Variants in ZNF684 observed in about 807,000 individuals in gnomAD.
ZNF684 encodes zinc finger protein 684, also known as hypothetical protein MGC27466.
A neutral mutation model predicts 12.8 loss-of-function variants in ZNF684; 13 were observed. The observed-to-expected ratio is 1.02, with a 90% CI of 0.66 to 1.62. ZNF684 has a LOEUF of 1.62. Ranked by LOEUF, ZNF684 falls within the 40% of genes most tolerant of loss-of-function variation. The pLI, the probability that ZNF684 is intolerant of heterozygous loss-of-function variation, is 0.00. For synonymous variants in ZNF684, 118 were observed against 151.8 expected (o/e 0.78, Z 1.64); for missense variants, 384 against 446.9 (o/e 0.86, Z 1.27).
intron 1 of ZNF684, among the ~76,000 whole-genome samples, chr1:40,532,638 A>T (rs1645964041): frequency 6.6e-6 from 1 of 151,952 alleles, no homozygotes; most frequent in African/African-American, 2.4e-5. Flanking sequence ...TGAAGGATCC[A>T]GCTTAACAAA....
rs187092117 is a variant in ZNF684, at chr1:40,537,072, C to T, written c.16-3514C>T. 2.2e-3 allele frequency among the ~76,000 whole-genome samples: 342 copies of T among 152,236 alleles called. 1 individual carries two copies. Among genetic ancestry groups the T allele is most frequent in the African/African-American group, 8.0e-3 (333 of 41,522 alleles). Reference sequence around the variant, plus strand: ...TCAAATGGTATTTCTAATTCTAGATCCTTGAGGAATCGCCACACTGACTTC... The same window carrying T: ...TCAAATGGTATTTCTAATTCTAGATTCTTGAGGAATCGCCACACTGACTTC... On this transcript the variant is annotated intron_variant, in intron 2 of 4. Transcript: ENST00000372699.
rs1478065549 is a variant in ZNF684, at chr1:40,547,033, A to C, written c.710A>C (p.His237Pro). The change falls in exon 5 of 5, where the codon CAC becomes CCC. Residue 237 changes from histidine (H) to proline (P), a missense_variant. His to Pro is a moderately conservative substitution (Grantham distance 77, BLOSUM62 -2). Coordinates refer to ENST00000372699, the MANE Select transcript of ZNF684 (RefSeq NM_152373.4). ...KAQLVVHQRL[H>P]TGEKPYECSQ... The stretch of plus-strand genomic sequence containing the variant: ...CAACTCGTGGTCCACCAGAGACTTC[A>C]CACTGGAGAGAAGCCTTATGAGTGC... 2 of 1,614,112 alleles carry C rather than the reference A, an allele frequency of 1.2e-6. No individual in the cohort carries two copies. Among genetic ancestry groups the C allele is most frequent in the Non-Finnish European group, 1.7e-6 (2 of 1,180,050 alleles).
chr1:40,539,604 T>A (rs549726397), intron 2 of ZNF684, among the ~76,000 whole-genome samples: 2 of 152,332 alleles, frequency 1.3e-5, no homozygotes, highest in South Asian at 4.1e-4. Context: ...TTTCTCCACA[T>A]CCTTGCCAAC....
At chr1:40,534,448 T>G in intron 2 of ZNF684, among the ~76,000 whole-genome samples, 1 of 149,864 alleles carries the variant, frequency 6.7e-6, no homozygotes. Flanking sequence ...ACCATGTTGG[T>G]CAGGCTGGTC....
At position 40,546,907 on chromosome 1, in the gene ZNF684, C is replaced by T; in HGVS notation, c.584C>T (p.Ala195Val). Residue 195 changes from alanine (A) to valine (V), a missense_variant, in exon 5 of 5, where the codon GCC becomes GTC. By Grantham distance (64) the Ala-to-Val change is moderately conservative. Transcript: ENST00000372699. Reference protein sequence around the residue: ...KPFECNDCGKAYSRKAHLATH... With the variant: ...KPFECNDCGKVYSRKAHLATH... ...TTTGAATGCAATGACTGTGGAAAAG[C>T]CTATAGCAGGAAGGCACACCTTGCA... is the stretch of plus-strand genomic sequence containing the variant. 3 of 1,613,946 alleles carry T rather than the reference C, an allele frequency of 1.9e-6. No individual in the cohort carries two copies. The highest frequency in any genetic ancestry group is 2.5e-6 in the Non-Finnish European group (3 of 1,180,012).
In ZNF684 at chr1:40,547,516, A is replaced by G. The variant is rs1302256798; in HGVS notation, c.*56A>G. On this transcript the variant is annotated 3_prime_UTR_variant, in exon 5 of 5. Coordinates refer to ENST00000372699, the MANE Select transcript of ZNF684 (RefSeq NM_152373.4). ...TTAAATATTTGCTAAATCTTATTAA[A>G]TACTAAAGAATTCATGGTGAGAAGT... 12 of 1,412,720 alleles carry G rather than the reference A, an allele frequency of 8.5e-6. No individual in the cohort carries two copies. Among genetic ancestry groups the G allele is most frequent in the Admixed American group, 2.6e-5 (1 of 39,114 alleles). The allele number at this position is 1,412,720 out of a possible 1,614,324, so 87.5% of individuals were successfully genotyped here.
At chr1:40,537,868 A>G (rs1355628263) in intron 2 of ZNF684, among the ~76,000 whole-genome samples, 1 of 152,126 alleles carries the variant, frequency 6.6e-6, no homozygotes, top group East Asian at 1.9e-4. Flanking sequence ...CCATACCCTA[A>G]TTAGCAGTCA....
intron 3 of ZNF684, 79 bp downstream of exon 3, chr1:40,540,791 T>C: frequency 7.5e-7 from 1 of 1,337,894 alleles, no homozygotes; most frequent in Non-Finnish European, 9.8e-7. Context: ...TTGGGAACGT[T>C]TGCCAATTGT....
At position 40,544,475 on chromosome 1, in the gene ZNF684, C is replaced by T. The variant is rs187283808; in HGVS notation, c.239-2087C>T. On this transcript the variant is annotated intron_variant, in intron 4 of 4. Transcript: ENST00000372699. ...CAAGTGATTCTCCTACCTCAGCCTC[C>T]CGAAGAGCTGGAACTACAGGCGCCC... is the stretch of plus-strand genomic sequence containing the variant. 5 of 366,416 alleles carry T rather than the reference C, an allele frequency of 1.4e-5. No individual in the cohort carries two copies. In the Admixed American group the frequency reaches 1.7e-4, roughly 12 times the overall value. 22.7% of individuals were successfully genotyped at this position (366,416 alleles called of 1,614,324 possible).
intron 2 of ZNF684, among the ~76,000 whole-genome samples, chr1:40,536,664 TC>T (rs1645987300): frequency 1.2e-5 from 1 of 82,606 alleles, no homozygotes; most frequent in Non-Finnish European, 2.3e-5. Flanking sequence ...CCCTCCCCCC[TC>T]CCCCCACCCC....
intron 4 of ZNF684, among the ~76,000 whole-genome samples, chr1:40,544,191 G>A (rs1646031555): frequency 6.6e-6 from 1 of 151,214 alleles, no homozygotes; most frequent in Non-Finnish European, 1.5e-5. Flanking sequence ...CATTCAACAA[G>A]GCTTTTAAAA....
At chr1:40,541,594 A>G (rs746521045) in intron 3 of ZNF684, 21 bp from the exon 4 acceptor site, 7 of 1,606,324 alleles carry the variant, frequency 4.4e-6, no homozygotes, top group Admixed American at 1.7e-5. Flanking sequence ...CCCCACTTCT[A>G]TGCTGTTTTC....
Position 40,541,751 on chromosome 1 carries a change from A to T in ZNF684, c.238+41A>T, listed in dbSNP as rs746212958. 8.4e-6 allele frequency: 13 copies of T among 1,538,802 alleles called. No individual in the cohort carries two copies. In the East Asian group the frequency reaches 2.9e-4, roughly 35 times the overall value. On this transcript the variant is annotated intron_variant, in intron 4 of 4. Coordinates refer to ENST00000372699, the MANE Select transcript of ZNF684 (RefSeq NM_152373.4). ...TCAGATGGGGCTGTGTGGAGTTGAG[A>T]TCCCCATTGGTCAGTGAGGGACAGG...
At chr1:40,536,347 T>TC (rs1366631097) in intron 2 of ZNF684, among the ~76,000 whole-genome samples, 1 of 141,628 alleles carries the variant, frequency 7.1e-6, no homozygotes, top group Non-Finnish European at 1.5e-5. Context: ...TGAGCCGAGA[T>TC]CGCACCACTG....
At chr1:40,537,183 C>T (rs1014149975) in intron 2 of ZNF684, among the ~76,000 whole-genome samples, 1 of 152,154 alleles carries the variant, frequency 6.6e-6, no homozygotes, top group African/African-American at 2.4e-5. Flanking sequence ...CTGTTGTTTC[C>T]TGACTTTTTA....
Position 40,547,548 on chromosome 1 carries a change from T to C in ZNF684, c.*88T>C, listed in dbSNP as rs911761683. ...AGAATTCATGGTGAGAAGTCTACAATTTAAATGAATTTGGAAGAGTAGATT... is the reference window on the plus strand; with the variant it reads ...AGAATTCATGGTGAGAAGTCTACAACTTAAATGAATTTGGAAGAGTAGATT... On this transcript the variant is annotated 3_prime_UTR_variant, in exon 5 of 5. Coordinates refer to ENST00000372699, the MANE Select transcript of ZNF684 (RefSeq NM_152373.4). 8.9e-6 allele frequency: 11 copies of C among 1,229,052 alleles called. No individual in the cohort carries two copies. The highest frequency in any genetic ancestry group is 1.2e-5 in the Non-Finnish European group (11 of 916,898). The allele number at this position is 1,229,052 out of a possible 1,614,324, so 76.1% of individuals were successfully genotyped here.
intron 3 of ZNF684, among the ~76,000 whole-genome samples, chr1:40,540,978 G>T (rs953001788): frequency 6.8e-6 from 1 of 146,270 alleles, no homozygotes; most frequent in African/African-American, 2.6e-5. Flanking sequence ...GATCGCTTGA[G>T]CCTAGGTGTA....
chr1:40,537,717 T>G (rs915185011), intron 2 of ZNF684, among the ~76,000 whole-genome samples: 3 of 151,760 alleles, frequency 2.0e-5, no homozygotes, highest in Non-Finnish European at 4.4e-5. Flanking sequence ...CACTCCAGCC[T>G]GGGCGACAGA....
chr1:40,544,444 C>T (rs780754034), intron 4 of ZNF684: 21 of 408,068 alleles, frequency 5.1e-5, no homozygotes, highest in Admixed American at 2.2e-4. Flanking sequence ...AATCTCAGCT[C>T]GGGTTCAAGT....
Sources: allele counts gnomAD v4.1 joint callset (sites outside exome capture counted in the v4.1 genomes callset), GRCh38; gene constraint gnomAD v4.1.1; transcripts MANE v1.5; gene names NCBI Gene and HGNC (gene_info 2026-07-23, HGNC 2026-07-21).